The following ULK4 variants were observed in gnomAD, a reference collection of about 807,000 sequenced individuals.
The protein encoded by ULK4 is inactive serine/threonine-protein kinase ULK4.
In ULK4, 133 loss-of-function variants were observed where a neutral mutation model predicts 160.6. That is an observed-to-expected ratio of 0.83 (90% CI 0.72 to 0.96). The LOEUF (loss-of-function observed/expected upper bound fraction) is 0.96, where lower values mean the gene tolerates loss of function less well. ULK4 is among the 40% of genes least tolerant of loss of function. The pLI, the probability that ULK4 is intolerant of heterozygous loss-of-function variation, is 0.00. For missense variants in ULK4, 1,580 were observed against 1,499.5 expected, an observed-to-expected ratio of 1.05 and a Z score of -0.89; for synonymous variants, 534 against 539.8, an observed-to-expected ratio of 0.99 and a Z score of 0.15.
chr3:41,321,039 C>T (rs1401346858), intron 35 of ULK4, among the ~76,000 whole-genome samples: 1 of 151,726 alleles, frequency 6.6e-6, no homozygotes, highest in Non-Finnish European at 1.5e-5. Flanking sequence ...TGGAAACTGT[C>T]CATGGATCTT....
chr3:41,705,299 T>A lies in ULK4; in HGVS notation c.2641A>T (p.Ile881Phe), dbSNP rs1233364111. Residue 881 changes from isoleucine (I) to phenylalanine (F), a missense_variant, in exon 26 of 37, where the codon ATT becomes TTT. Coordinates refer to ENST00000301831, the MANE Select transcript of ULK4 (RefSeq NM_017886.4). ...LFSYGTILSH[I>F]KSVDSGETNI... Reference sequence around the variant, plus strand: ...GTTTCTCCTGAGTCTACAGATTTAATATGACTCTGAAAAAAAATAAATTTT... The same window carrying A: ...GTTTCTCCTGAGTCTACAGATTTAAAATGACTCTGAAAAAAAATAAATTTT... 1 of 1,608,956 alleles carries A rather than the reference T, an allele frequency of 6.2e-7. No individual in the cohort carries two copies. The highest frequency in any genetic ancestry group is 1.7e-4 in the Middle Eastern group (1 of 6,016).
At chr3:41,954,829 C>T in intron 1 of ULK4, 22 bp from the exon 2 acceptor site, 1 of 1,451,928 alleles carries the variant, frequency 6.9e-7, no homozygotes, top group Non-Finnish European at 9.3e-7. Context: ...ACAAAAATGA[C>T]ATTGATAAAT....
At chr3:41,842,590 C>A (rs911249775) in intron 17 of ULK4, among the ~76,000 whole-genome samples, 6 of 150,144 alleles carry the variant, frequency 4.0e-5, no homozygotes, top group Admixed American at 6.7e-5. Flanking sequence ...GAATCTGGCA[C>A]CTCCCTCCTC....
At chr3:41,823,085 G>A (rs76676331) in intron 18 of ULK4, among the ~76,000 whole-genome samples, 3,152 of 151,522 alleles carry the variant, frequency 0.021, 111 homozygotes, top group African/African-American at 0.071. Flanking sequence ...GTGCTATAAA[G>A]AAAAACAGCA....
chr3:41,497,362 A>G (rs1432861228), intron 32 of ULK4, among the ~76,000 whole-genome samples: 5 of 152,072 alleles, frequency 3.3e-5, no homozygotes, highest in Non-Finnish European at 7.4e-5. Flanking sequence ...TTAAAAACAG[A>G]GATTCAATCT....
intron 35 of ULK4, among the ~76,000 whole-genome samples, chr3:41,274,445 C>A (rs1354579832): frequency 6.6e-6 from 1 of 152,164 alleles, no homozygotes; most frequent in Admixed American, 6.5e-5. Flanking sequence ...TTGTGCTCTG[C>A]GCTGCCCACT....
intron 32 of ULK4, among the ~76,000 whole-genome samples, chr3:41,531,509 A>G (rs2086316912): frequency 7.4e-6 from 1 of 135,138 alleles, no homozygotes; most frequent in African/African-American, 3.0e-5. Flanking sequence ...AAGAAAAAGA[A>G]AAGAAAAAGA....
chr3:41,384,669 C>G (rs1040099773), intron 35 of ULK4, among the ~76,000 whole-genome samples: 1 of 152,182 alleles, frequency 6.6e-6, no homozygotes, highest in African/African-American at 2.4e-5. Flanking sequence ...ACTGCAACCT[C>G]TGCCTCCCAG....
At position 41,438,944 on chromosome 3, in the gene ULK4, T is replaced by C. The variant is rs376867718; in HGVS notation, c.3492+16553A>G. On this transcript the variant is annotated intron_variant, in intron 34 of 36. Coordinates refer to ENST00000301831, the MANE Select transcript of ULK4 (RefSeq NM_017886.4). Reference sequence around the variant, plus strand: ...TTCCATATGGTTAGCATAATCCTTATAGCAAACTGCACAAATAAAACACCA... The same window carrying C: ...TTCCATATGGTTAGCATAATCCTTACAGCAAACTGCACAAATAAAACACCA... Among the ~76,000 whole-genome samples the C allele has an allele frequency of 8.4e-5, 12 of 142,052 alleles. No homozygotes were observed. The East Asian group carries it at 1.7e-3, about 20-fold the overall frequency. The allele number at this position is 142,052 out of a possible 152,430, so 93.2% of individuals were successfully genotyped here. A position where few individuals can be genotyped will look rare whatever the true frequency, so the allele number is the denominator to read the frequency against.
intron 19 of ULK4, among the ~76,000 whole-genome samples, chr3:41,812,498 A>G (rs544787571): frequency 4.6e-5 from 7 of 152,224 alleles, no homozygotes; most frequent in Non-Finnish European, 7.3e-5. Flanking sequence ...GGTATCCATG[A>G]TAATATGGAA....
chr3:41,789,701 A>T lies in ULK4; in HGVS notation c.2153T>A (p.Leu718Ter). The change falls in exon 21 of 37, where the codon TTG becomes TAG. Residue 718 changes from leucine (L) to a stop codon, truncating the protein, a stop_gained. Transcript: ENST00000301831. LOFTEE classifies it high-confidence loss of function. ...QYMLTLFAAMLSCGIHLQRLI... is the reference protein window; with the variant it reads ...QYMLTLFAAM ...TCTTTGAAGATGAATCCCACAGGAC[A>T]ACATGGCAGCGAATAAGGTCAACAT... 3 of 1,609,660 alleles carry T rather than the reference A, an allele frequency of 1.9e-6. No homozygotes were observed. Among genetic ancestry groups the T allele is most frequent in the Non-Finnish European group, 2.5e-6 (3 of 1,178,098 alleles).
chr3:41,406,131 A>G (rs927238078), intron 34 of ULK4, among the ~76,000 whole-genome samples: 9 of 152,260 alleles, frequency 5.9e-5, no homozygotes, highest in Non-Finnish European at 1.3e-4. Flanking sequence ...ATCCATTTTC[A>G]GCTAATTTTT....
chr3:41,862,187 A>G (rs1559615065), intron 17 of ULK4, among the ~76,000 whole-genome samples: 12 of 151,988 alleles, frequency 7.9e-5, no homozygotes, highest in Non-Finnish European at 1.5e-5. Context: ...ACGCCAATAT[A>G]TTTTTCAGTG....
At chr3:41,540,443 G>A (rs11129913) in intron 32 of ULK4, among the ~76,000 whole-genome samples, 68,369 of 152,002 alleles carry the variant, frequency 0.45, 16,070 homozygotes, top group Middle Eastern at 0.54. Flanking sequence ...ATCACTGATG[G>A]GCATTTGGGT....
At chr3:41,743,437 A>T (rs1280475349) in intron 22 of ULK4, among the ~76,000 whole-genome samples, 3 of 151,830 alleles carry the variant, frequency 2.0e-5, no homozygotes, top group Non-Finnish European at 4.4e-5. Context: ...CCAACAGCAA[A>T]CATACCCTTA....
At chr3:41,881,138 C>T (rs1215803563) in intron 17 of ULK4, among the ~76,000 whole-genome samples, 3 of 152,058 alleles carry the variant, frequency 2.0e-5, no homozygotes, top group African/African-American at 2.4e-5. Flanking sequence ...ATTCACTCCA[C>T]GGGGTTCCCA....
intron 27 of ULK4, among the ~76,000 whole-genome samples, chr3:41,685,097 C>G (rs1322021435): frequency 1.3e-5 from 2 of 152,154 alleles, no homozygotes; most frequent in Non-Finnish European, 2.9e-5. Context: ...ATTTGTGTGA[C>G]CTTTGCCATT....
At chr3:41,492,580 T>C (rs1462861710) in intron 32 of ULK4, among the ~76,000 whole-genome samples, 1 of 149,660 alleles carries the variant, frequency 6.7e-6, no homozygotes, top group Non-Finnish European at 1.5e-5. Flanking sequence ...CATAACAATA[T>C]TAACTTTAAA....
At chr3:41,879,650 C>T (rs1451619938) in intron 17 of ULK4, among the ~76,000 whole-genome samples, 1 of 152,046 alleles carries the variant, frequency 6.6e-6, no homozygotes, top group Non-Finnish European at 1.5e-5. Flanking sequence ...ACACCAAACT[C>T]TATTTTTTCT....
Sources: allele counts gnomAD v4.1 joint callset (sites outside exome capture counted in the v4.1 genomes callset), GRCh38; gene constraint gnomAD v4.1.1; transcripts MANE v1.5; gene names NCBI Gene and HGNC (gene_info 2026-07-23, HGNC 2026-07-21).